The following PTCSC3 variants were observed in gnomAD, a reference collection of about 807,000 sequenced individuals.
PTCSC3 encodes the protein papillary thyroid carcinoma susceptibility candidate 3, also known as papillary thyroid carcinoma susceptibility candidate 3 (non-protein coding).
At chr14:36,170,897 T>C (rs1434171631) in intron 1 of PTCSC3, among the ~76,000 whole-genome samples, 2 of 152,202 alleles carry the variant, frequency 1.3e-5, no homozygotes, top group Admixed American at 6.5e-5. Context: ...CTTGAGGCTA[T>C]GTAGATACAT....
chr14:36,171,722 CAAG>C (rs1304951125), intron 1 of PTCSC3, among the ~76,000 whole-genome samples: 4 of 152,140 alleles, frequency 2.6e-5, no homozygotes, highest in Non-Finnish European at 4.4e-5. Flanking sequence ...CATTCCTCGA[CAAG>C]AAGCTTGTAA....
chr14:36,164,661 A>G (rs2139109517), intron 1 of PTCSC3, among the ~76,000 whole-genome samples: 1 of 152,260 alleles, frequency 6.6e-6, no homozygotes, highest in South Asian at 2.1e-4. Flanking sequence ...TAGACAGATA[A>G]TTTGAAAACA....
At chr14:36,172,136 T>C (rs895955772) in intron 1 of PTCSC3, among the ~76,000 whole-genome samples, 28 of 152,164 alleles carry the variant, frequency 1.8e-4, no homozygotes, top group Admixed American at 1.8e-3. Flanking sequence ...CTGGCTTGCA[T>C]TGTAGCTGGA....
chr14:36,171,437 T>G (rs1566512109), intron 1 of PTCSC3, among the ~76,000 whole-genome samples: 1 of 152,174 alleles, frequency 6.6e-6, no homozygotes, highest in Non-Finnish European at 1.5e-5. Context: ...TACTGAAATC[T>G]GAATGTCATT....
rs141861951 is a variant in PTCSC3, at chr14:36,175,741, T to C, written n.171+557A>G. ...CCTACAGCTATATTTAACTTGTCTT[T>C]GGGATCACTGGAGTAACTTCATTGA... is the stretch of plus-strand genomic sequence containing the variant. On this transcript the variant is annotated intron_variant and non_coding_transcript_variant, in intron 1 of 3. Coordinates refer to ENST00000556013, the Ensembl canonical transcript of PTCSC3. Among the ~76,000 whole-genome samples, 214 of 152,350 alleles carry C rather than the reference T, an allele frequency of 1.4e-3. 1 individual carries two copies. Among genetic ancestry groups the C allele is most frequent in the Non-Finnish European group, 2.7e-3 (184 of 68,026 alleles).
intron 2 of PTCSC3, among the ~76,000 whole-genome samples, chr14:36,156,952 T>C (rs1323366752): frequency 1.3e-5 from 2 of 152,152 alleles, no homozygotes; most frequent in Non-Finnish European, 2.9e-5. Context: ...CTGGGTCAAA[T>C]GGTATTTCTG....
intron 2 of PTCSC3, among the ~76,000 whole-genome samples, chr14:36,158,162 A>G (rs1465489928): frequency 3.9e-5 from 6 of 152,152 alleles, no homozygotes; most frequent in Non-Finnish European, 8.8e-5. Flanking sequence ...GGCTGAGATG[A>G]TGGGGTTTTC....
intron 1 of PTCSC3, among the ~76,000 whole-genome samples, chr14:36,164,455 C>A (rs1389716078): frequency 6.6e-6 from 1 of 152,172 alleles, no homozygotes; most frequent in East Asian, 1.9e-4. Flanking sequence ...GTAATCCTTG[C>A]ATTTATGTGT....
downstream of PTCSC3, among the ~76,000 whole-genome samples, chr14:36,134,907 G>T (rs1046070818): frequency 6.6e-6 from 1 of 152,160 alleles, no homozygotes; most frequent in Admixed American, 6.5e-5. Context: ...GCAGGGCATC[G>T]TTTATTGAAC....
intron 2 of PTCSC3, among the ~76,000 whole-genome samples, chr14:36,155,379 A>G (rs1362017460): frequency 6.6e-6 from 1 of 152,210 alleles, no homozygotes; most frequent in Non-Finnish European, 1.5e-5. Flanking sequence ...CTATAGGTGT[A>G]TAAGTAGCTG....
chr14:36,143,123 T>C (rs1421672103), intron 3 of PTCSC3, among the ~76,000 whole-genome samples: 11 of 150,728 alleles, frequency 7.3e-5, no homozygotes, highest in Admixed American at 2.6e-4. Flanking sequence ...AACATACGTG[T>C]GCATGTGTCT....
chr14:36,136,990 A>G (rs576291440), intron 3 of PTCSC3, among the ~76,000 whole-genome samples: 1 of 152,332 alleles, frequency 6.6e-6, no homozygotes, highest in African/African-American at 2.4e-5. Context: ...AGGAGCTTTC[A>G]TTCTGGAAGG....
chr14:36,143,421 T>A, intron 3 of PTCSC3, among the ~76,000 whole-genome samples: 2 of 126,680 alleles, frequency 1.6e-5, no homozygotes, highest in South Asian at 3.1e-4. Context: ...ATGATGAGCA[T>A]TTTTTCATGT....
downstream of PTCSC3, among the ~76,000 whole-genome samples, chr14:36,135,929 G>GTA (rs143134615): frequency 0.13 from 19,173 of 150,566 alleles, 1,615 homozygotes; most frequent in Non-Finnish European, 0.19. Flanking sequence ...ATGTGTGTGT[G>GTA]TATATATATA....
At chr14:36,151,290 GC>G (rs1039995655) in intron 3 of PTCSC3, among the ~76,000 whole-genome samples, 1 of 147,824 alleles carries the variant, frequency 6.8e-6, no homozygotes, top group African/African-American at 2.5e-5. Flanking sequence ...TTACCCCCCC[GC>G]CCCTGCCCTC....
intron 3 of PTCSC3, among the ~76,000 whole-genome samples, chr14:36,142,360 TG>T (rs1881442779): frequency 1.3e-5 from 2 of 152,224 alleles, no homozygotes; most frequent in Non-Finnish European, 2.9e-5. Flanking sequence ...GCCGTATGGT[TG>T]TGATGGATTG....
At chr14:36,161,397 G>A (rs1175550012) in intron 2 of PTCSC3, among the ~76,000 whole-genome samples, 3 of 152,116 alleles carry the variant, frequency 2.0e-5, no homozygotes, top group Non-Finnish European at 2.9e-5. Context: ...ACTTTTGGAT[G>A]GGGTTTTCTG....
At chr14:36,165,865 G>A (rs1051805934) in intron 1 of PTCSC3, among the ~76,000 whole-genome samples, 3 of 151,882 alleles carry the variant, frequency 2.0e-5, no homozygotes, top group African/African-American at 7.3e-5. Context: ...TTTTGTTAGG[G>A]CTTTTTGAAA....
At chr14:36,156,445 TTTTCTTTTTCAAA>T (rs1881827644) in intron 2 of PTCSC3, among the ~76,000 whole-genome samples, 1 of 150,050 alleles carries the variant, frequency 6.7e-6, no homozygotes. Context: ...ATTCATTCCT[TTTTCTTTTTCAAA>T]TTATACTCTA....
Sources: gnomAD v4.1 joint callset for allele counts (sites outside exome capture counted in the v4.1 genomes callset) on GRCh38, gnomAD v4.1.1 for gene constraint, MANE v1.5 for transcripts, NCBI Gene and HGNC (gene_info 2026-07-23, HGNC 2026-07-21) for gene names.